HGSNAT: variants seen among roughly 807,000 people sequenced by gnomAD.
HGSNAT encodes transmembrane protein 76.
In HGSNAT, 59 loss-of-function variants were observed where a neutral mutation model predicts 85.2. That is an observed-to-expected ratio of 0.69 (90% confidence interval 0.56 to 0.86). HGSNAT has a LOEUF of 0.86. Ranked by LOEUF, HGSNAT falls within the 40% of genes least tolerant of loss-of-function variation. The pLI is 0.00. For missense variants in HGSNAT, 756 were observed against 777.1 expected (o/e 0.97, Z 0.32); for synonymous variants, 321 against 304.5 (o/e 1.05, Z -0.56).
intron 2 of HGSNAT, among the ~76,000 whole-genome samples, chr8:43,157,103 G>A (rs537493827): frequency 3.3e-5 from 5 of 152,252 alleles, no homozygotes; most frequent in Non-Finnish European, 7.4e-5. Flanking sequence ...GAAACAGAAA[G>A]CACTAGAATG....
rs1563388012 is a variant in HGSNAT, at chr8:43,199,464, CA to C, written c.1805del (p.Asn602ThrfsTer8). 1 of 1,612,204 alleles carries C rather than the reference CA, an allele frequency of 6.2e-7. No individual in the cohort carries two copies. The highest frequency in any genetic ancestry group is 1.1e-5 in the South Asian group (1 of 90,480). ...YFPFQWKLKD[N>X]QSHKEHLTQN... ...TCCCCTTTCAGTGGAAGCTGAAGGA[CA>C]ACCAGTCCCACAAGGAGCACCTGAC... On this transcript the variant is annotated frameshift_variant, in exon 18 of 18. Transcript: ENST00000379644. LOFTEE classifies it high-confidence loss of function.
At chr8:43,173,991 G>A (rs925120129) in intron 9 of HGSNAT, 11 of 297,226 alleles carry the variant, frequency 3.7e-5, no homozygotes, top group Non-Finnish European at 5.8e-5. Context: ...TGAGGCAGGC[G>A]AATTACCTGA....
chr8:43,158,755 C>G (rs745306173), intron 3 of HGSNAT, 44 bp downstream of exon 3: 18 of 1,549,136 alleles, frequency 1.2e-5, no homozygotes, highest in Non-Finnish European at 1.4e-5. Flanking sequence ...TCTGCATTTT[C>G]TCTTTTTCTA....
intron 11 of HGSNAT, chr8:43,182,520 T>C: frequency 6.3e-6 from 3 of 473,240 alleles, no homozygotes; most frequent in Non-Finnish European, 1.2e-5. Context: ...CTTGGCTCAC[T>C]GAAGCCTCAA....
intron 2 of HGSNAT, among the ~76,000 whole-genome samples, chr8:43,155,800 A>G (rs1418992889): frequency 6.6e-6 from 1 of 151,604 alleles, no homozygotes; most frequent in African/African-American, 2.4e-5. Context: ...GTTTCCCAGC[A>G]CTATTTATTG....
intron 2 of HGSNAT, among the ~76,000 whole-genome samples, chr8:43,148,558 AG>A (rs1050831552): frequency 6.6e-5 from 10 of 151,500 alleles, no homozygotes; most frequent in Admixed American, 3.3e-4. Context: ...GAGGCCAAGG[AG>A]GGTGGATCAC....
At chr8:43,183,146 C>A (rs1804189320) in intron 11 of HGSNAT, among the ~76,000 whole-genome samples, 1 of 152,184 alleles carries the variant, frequency 6.6e-6, no homozygotes. Context: ...ACAATCCTCT[C>A]TGCTAGTTTC....
At chr8:43,140,867 CCA>C (rs1802501505) in intron 1 of HGSNAT, among the ~76,000 whole-genome samples, 4 of 152,144 alleles carry the variant, frequency 2.6e-5, no homozygotes, top group Non-Finnish European at 4.4e-5. Flanking sequence ...ACCTGGGCGC[CCA>C]GGCGGCGCCC....
intron 7 of HGSNAT, 133 bp from the exon 8 acceptor site, chr8:43,172,177 T>C: frequency 1.3e-6 from 1 of 745,686 alleles, no homozygotes; most frequent in Non-Finnish European, 2.4e-6. Flanking sequence ...ATGTCTCATC[T>C]TGTGTAATAA....
At chr8:43,173,915 G>A (rs1435145950) in intron 9 of HGSNAT, 172 bp downstream of exon 9, 11 of 613,724 alleles carry the variant, frequency 1.8e-5, no homozygotes, top group Admixed American at 3.1e-5. Context: ...CTACACGTGT[G>A]TATAAAAGAG....
chr8:43,202,291 AG>A lies in HGSNAT; in HGVS notation c.*2723del, dbSNP rs1316226924. On this transcript the variant is annotated 3_prime_UTR_variant, in exon 18 of 18. Coordinates refer to ENST00000379644, the MANE Select transcript of HGSNAT (RefSeq NM_152419.3). Reference sequence around the variant, plus strand: ...AGGAAATGCTTCCCAGAAGCCTCTCAGCAGCCTCCCCTCCTGTCCTATCAGC... The same window carrying A: ...AGGAAATGCTTCCCAGAAGCCTCTCACAGCCTCCCCTCCTGTCCTATCAGC... 3 of 152,610 alleles carry A rather than the reference AG, an allele frequency of 2.0e-5. No homozygotes were observed. In the East Asian group the frequency reaches 5.8e-4, roughly 29 times the overall value. 9.5% of individuals were successfully genotyped at this position (152,610 alleles called of 1,614,324 possible).
At chr8:43,157,130 G>A (rs1292686014) in intron 2 of HGSNAT, among the ~76,000 whole-genome samples, 2 of 151,910 alleles carry the variant, frequency 1.3e-5, no homozygotes, top group African/African-American at 2.4e-5. Flanking sequence ...TATTTGAGAG[G>A]GTTAAAAGTT....
chr8:43,170,505 A>T, intron 6 of HGSNAT, 80 bp from the exon 7 acceptor site: 1 of 1,228,774 alleles, frequency 8.1e-7, no homozygotes, highest in Non-Finnish European at 1.2e-6. Flanking sequence ...ACAAAACAAA[A>T]CAAAGAAATC....
intron 11 of HGSNAT, among the ~76,000 whole-genome samples, chr8:43,190,539 C>T (rs528799065): frequency 6.6e-6 from 1 of 152,204 alleles, no homozygotes; most frequent in Admixed American, 6.5e-5. Flanking sequence ...AGAGCTTGGT[C>T]AGCCATGGAT....
At chr8:43,176,524 C>T (rs1053010385) in intron 9 of HGSNAT, among the ~76,000 whole-genome samples, 3 of 152,016 alleles carry the variant, frequency 2.0e-5, no homozygotes, top group African/African-American at 7.2e-5. Context: ...ACTTTGGCTA[C>T]GCTGGGTCTT....
chr8:43,153,760 A>T lies in HGSNAT; in HGVS notation c.235-4815A>T, dbSNP rs555050636. ...ATTTACTCTCTACTTCTATGAGGTC[A>T]CATTTTTAGCTTTTACATACGAGTG... is the stretch of plus-strand genomic sequence containing the variant. On this transcript the variant is annotated intron_variant, in intron 2 of 17. Coordinates refer to ENST00000379644, the MANE Select transcript of HGSNAT (RefSeq NM_152419.3). Among the ~76,000 whole-genome samples the T allele has an allele frequency of 2.6e-5, 4 of 152,288 alleles. No individual in the cohort carries two copies. In the South Asian group the frequency reaches 8.3e-4, roughly 32 times the overall value.
At chr8:43,166,025 T>C (rs1423610044) in intron 5 of HGSNAT, among the ~76,000 whole-genome samples, 1 of 152,222 alleles carries the variant, frequency 6.6e-6, no homozygotes, top group Non-Finnish European at 1.5e-5. Flanking sequence ...GATCAAACTA[T>C]TCCCTTAAGC....
Position 43,182,244 on chromosome 8 carries a change from C to T in HGSNAT, c.1112C>T (p.Pro371Leu), listed in dbSNP as rs1804152812. The T allele has an allele frequency of 6.2e-7, 1 of 1,613,268 alleles. No individual in the cohort carries two copies. The change falls in exon 11 of 18, where the codon CCT (proline) becomes CTT (leucine). Residue 371 changes from proline to leucine, a missense_variant. By Grantham distance (98) the Pro-to-Leu change is moderately conservative. Transcript: ENST00000379644. ...VLELLFAKPV[P>L]EHCASERSCL... is the part of the protein sequence containing the mutation. The stretch of plus-strand genomic sequence containing the variant: ...GAGCTCCTCTTTGCTAAACCTGTGC[C>T]TGAACATTGTGCCTCGGTGAGAAAC...
At chr8:43,185,419 C>G (rs1171072674) in intron 11 of HGSNAT, among the ~76,000 whole-genome samples, 1 of 152,140 alleles carries the variant, frequency 6.6e-6, no homozygotes, top group African/African-American at 2.4e-5. Context: ...GGACTTCACT[C>G]ATGATTTGGC....
Sources: gnomAD v4.1 joint callset for allele counts (sites outside exome capture counted in the v4.1 genomes callset) on GRCh38, gnomAD v4.1.1 for gene constraint, MANE v1.5 for transcripts, NCBI Gene and HGNC (gene_info 2026-07-23, HGNC 2026-07-21) for gene names.